The following AFF3 variants were observed in gnomAD, a reference collection of about 807,000 sequenced individuals.
The protein encoded by AFF3 is ALF transcription elongation factor 3.
In AFF3, 32 loss-of-function variants were observed where a neutral mutation model predicts 129.7. The ratio of observed to expected loss-of-function variants is 0.25; its 90% confidence interval spans 0.19 to 0.33. The LOEUF (loss-of-function observed/expected upper bound fraction) is 0.33. Ranked by LOEUF, AFF3 falls within the 10% of genes least tolerant of loss-of-function variation. The probability of loss-of-function intolerance (pLI) is 1.00; values close to 1 mark genes in which losing one functional copy is unlikely to be tolerated. For synonymous variants in AFF3, 644 were observed against 635.4 expected, an observed-to-expected ratio of 1.01 and a Z score of -0.20; for missense variants, 1,373 against 1,592.0, an observed-to-expected ratio of 0.86 and a Z score of 2.34.
At chr2:99,576,499 G>A (rs1443673042) in intron 18 of AFF3, among the ~76,000 whole-genome samples, 2 of 148,508 alleles carry the variant, frequency 1.3e-5, no homozygotes, top group East Asian at 4.0e-4. Context: ...CTGCGTGACA[G>A]GGCAAGACCC....
At position 99,594,466 on chromosome 2, in the gene AFF3, A is replaced by G. The variant is rs576286984; in HGVS notation, c.1372-177T>C. On this transcript the variant is annotated intron_variant, in intron 14 of 24. Coordinates refer to ENST00000672756, the MANE Select transcript of AFF3 (RefSeq NM_001386135.1). ...TGTGTGGCAGCCCCATGTGGCACTC[A>G]GGATGCCTGGATGATGCTGTCCTTA... Among the ~76,000 whole-genome samples, 59 of 152,344 alleles carry G rather than the reference A, an allele frequency of 3.9e-4. No homozygotes were observed. In the South Asian group the frequency reaches 0.012, roughly 32 times the overall value.
intron 13 of AFF3, among the ~76,000 whole-genome samples, chr2:99,636,118 G>T (rs535778228): frequency 1.2e-3 from 180 of 152,330 alleles, no homozygotes; most frequent in African/African-American, 4.1e-3. Context: ...ACCTTAATTT[G>T]CTGTGCTTGC....
intron 7 of AFF3, among the ~76,000 whole-genome samples, chr2:99,960,745 G>A (rs1365323035): frequency 6.6e-6 from 1 of 152,164 alleles, no homozygotes; most frequent in Non-Finnish European, 1.5e-5. Flanking sequence ...GGGGCTTGCT[G>A]CATTTGGGGA....
intron 7 of AFF3, among the ~76,000 whole-genome samples, chr2:99,944,882 T>C (rs915192574): frequency 1.3e-5 from 2 of 152,194 alleles, no homozygotes; most frequent in Non-Finnish European, 2.9e-5. Flanking sequence ...AGAAAATATA[T>C]GAACCATAAG....
At chr2:99,697,996 A>G (rs1234432421) in intron 11 of AFF3, among the ~76,000 whole-genome samples, 2 of 152,184 alleles carry the variant, frequency 1.3e-5, no homozygotes, top group African/African-American at 4.8e-5. Flanking sequence ...TTTTCCTTTA[A>G]AAATTTTCTG....
chr2:99,899,832 T>C (rs866270345), intron 7 of AFF3, among the ~76,000 whole-genome samples: 4 of 152,230 alleles, frequency 2.6e-5, no homozygotes, highest in African/African-American at 7.2e-5. Context: ...TTCTGCCTTA[T>C]TAGAAAGTAA....
At chr2:99,709,438 G>T (rs960314653) in intron 11 of AFF3, among the ~76,000 whole-genome samples, 1 of 152,128 alleles carries the variant, frequency 6.6e-6, no homozygotes, top group Admixed American at 6.5e-5. Context: ...TAGGGGTGAA[G>T]ATCACGTGAT....
chr2:99,563,810 CA>C (rs34843347), intron 20 of AFF3, among the ~76,000 whole-genome samples: 1,510 of 76,080 alleles, frequency 0.02, 7 homozygotes, highest in African/African-American at 0.047. Flanking sequence ...AATTTAGTCT[CA>C]AAAAAAAAAA....
intron 7 of AFF3, among the ~76,000 whole-genome samples, chr2:99,914,672 T>C (rs1034549048): frequency 6.6e-6 from 1 of 152,028 alleles, no homozygotes; most frequent in South Asian, 2.1e-4. Context: ...TCCCAGCACT[T>C]TGGGAGGCCG....
intron 13 of AFF3, among the ~76,000 whole-genome samples, chr2:99,636,610 C>T (rs2105448946): frequency 6.6e-6 from 1 of 152,312 alleles, no homozygotes; most frequent in East Asian, 1.9e-4. Flanking sequence ...GATCGAATGG[C>T]TGTCCCCAAA....
At chr2:99,595,258 TA>T (rs1679168805) in intron 14 of AFF3, among the ~76,000 whole-genome samples, 1 of 152,238 alleles carries the variant, frequency 6.6e-6, no homozygotes, top group African/African-American at 2.4e-5. Flanking sequence ...AGCATTATGA[TA>T]ATTAAGAGAA....
At chr2:99,846,732 C>A (rs1159454737) in intron 7 of AFF3, among the ~76,000 whole-genome samples, 1 of 152,176 alleles carries the variant, frequency 6.6e-6, no homozygotes, top group Non-Finnish European at 1.5e-5. Flanking sequence ...AGTGCTGCTG[C>A]GTATTTGACG....
chr2:100,105,354 C>T, intron 3 of AFF3, 150 bp downstream of exon 3: 2 of 1,242,084 alleles, frequency 1.6e-6, no homozygotes, highest in Non-Finnish European at 2.1e-6. Context: ...TCTCTGGAGC[C>T]CGCAAGTTCA....
At chr2:99,582,335 A>G (rs535898404) in intron 17 of AFF3, among the ~76,000 whole-genome samples, 1 of 152,228 alleles carries the variant, frequency 6.6e-6, no homozygotes, top group South Asian at 2.1e-4. Context: ...ACCCGAGATC[A>G]CTGGAAAAGG....
At chr2:99,700,285 T>C (rs987094195) in intron 11 of AFF3, among the ~76,000 whole-genome samples, 1 of 152,188 alleles carries the variant, frequency 6.6e-6, no homozygotes, top group Non-Finnish European at 1.5e-5. Flanking sequence ...CATGCCCGGC[T>C]AATTTTTGTA....
chr2:99,600,967 T>C (rs147259058), intron 14 of AFF3, among the ~76,000 whole-genome samples: 2 of 152,334 alleles, frequency 1.3e-5, no homozygotes, highest in East Asian at 3.9e-4. Context: ...TTAATATTTA[T>C]AGCCCTTCTT....
At chr2:99,881,406 C>T (rs957394744) in intron 7 of AFF3, among the ~76,000 whole-genome samples, 4 of 123,004 alleles carry the variant, frequency 3.3e-5, no homozygotes, top group South Asian at 2.6e-4. Context: ...AGCATCTTTT[C>T]AAAAAAAAAA....
intron 7 of AFF3, among the ~76,000 whole-genome samples, chr2:100,004,200 G>A (rs774904621): frequency 6.6e-6 from 1 of 151,978 alleles, no homozygotes; most frequent in South Asian, 2.1e-4. Context: ...TAATAACCTT[G>A]CAGGTTATTT....
intron 7 of AFF3, among the ~76,000 whole-genome samples, chr2:99,990,275 C>G (rs1487549804): frequency 6.6e-6 from 1 of 152,176 alleles, no homozygotes; most frequent in African/African-American, 2.4e-5. Context: ...TACATACTTA[C>G]AATCCTGCAT....
Sources: allele counts gnomAD v4.1 joint callset (sites outside exome capture counted in the v4.1 genomes callset), GRCh38; gene constraint gnomAD v4.1.1; transcripts MANE v1.5; gene names NCBI Gene and HGNC (gene_info 2026-07-23, HGNC 2026-07-21).